Variants in ANKS1B observed in about 807,000 individuals in gnomAD.
The protein encoded by ANKS1B is ankyrin repeat and sterile alpha motif domain-containing protein 1B.
ANKS1B carries 36 observed loss-of-function variants against 148.3 expected under a neutral mutation model. The ratio of observed to expected loss-of-function variants is 0.24; its 90% confidence interval spans 0.19 to 0.32. The LOEUF (loss-of-function observed/expected upper bound fraction) is 0.32, where lower values mean the gene tolerates loss of function less well. Ranked by LOEUF, ANKS1B falls within the 10% of genes least tolerant of loss-of-function variation. ANKS1B has a pLI of 1.00. For missense variants in ANKS1B, 1,157 were observed against 1,542.6 expected, an observed-to-expected ratio of 0.75 and a Z score of 4.19; for synonymous variants, 542 against 560.8, an observed-to-expected ratio of 0.97 and a Z score of 0.47.
chr12:99,962,968 C>T (rs1323845801), intron 1 of ANKS1B, among the ~76,000 whole-genome samples: 1 of 152,134 alleles, frequency 6.6e-6, no homozygotes, highest in Non-Finnish European at 1.5e-5. Flanking sequence ...CGCCCACCAC[C>T]ACACCCGGAG....
chr12:99,538,765 C>G (rs2097097138), intron 9 of ANKS1B, among the ~76,000 whole-genome samples: 1 of 152,128 alleles, frequency 6.6e-6, no homozygotes, highest in Non-Finnish European at 1.5e-5. Flanking sequence ...GCTAGGACTT[C>G]CAGTACTACG....
chr12:99,574,474 C>T (rs772674792), intron 9 of ANKS1B, among the ~76,000 whole-genome samples: 3 of 151,998 alleles, frequency 2.0e-5, no homozygotes, highest in Non-Finnish European at 4.4e-5. Flanking sequence ...CAAAATCAGA[C>T]AGACTTTAAT....
At chr12:99,901,094 A>C (rs1273116400) in intron 1 of ANKS1B, among the ~76,000 whole-genome samples, 1 of 152,246 alleles carries the variant, frequency 6.6e-6, no homozygotes, top group Non-Finnish European at 1.5e-5. Flanking sequence ...TCACGAGTTA[A>C]AAAAATAGAT....
intron 8 of ANKS1B, among the ~76,000 whole-genome samples, chr12:99,662,537 T>G (rs1208401375): frequency 6.6e-6 from 1 of 152,178 alleles, no homozygotes; most frequent in African/African-American, 2.4e-5. Context: ...TCATAGATGT[T>G]TTATTAGTGT....
chr12:99,677,576 T>C (rs1265232709), intron 8 of ANKS1B, among the ~76,000 whole-genome samples: 2 of 152,228 alleles, frequency 1.3e-5, no homozygotes, highest in African/African-American at 4.8e-5. Flanking sequence ...GAGAACACTG[T>C]TGAATTGCAG....
chr12:99,025,302 A>C (rs1408167037), intron 17 of ANKS1B, among the ~76,000 whole-genome samples: 2 of 152,214 alleles, frequency 1.3e-5, no homozygotes, highest in African/African-American at 2.4e-5. Context: ...ATCAAATGAG[A>C]ATACTAAGAC....
At chr12:98,918,387 G>C (rs965040592) in intron 17 of ANKS1B, among the ~76,000 whole-genome samples, 1 of 152,226 alleles carries the variant, frequency 6.6e-6, no homozygotes, top group African/African-American at 2.4e-5. Flanking sequence ...GAAGATACAA[G>C]GCACAGAAAA....
At chr12:99,112,129 C>G (rs1476573147) in intron 15 of ANKS1B, among the ~76,000 whole-genome samples, 2 of 152,040 alleles carry the variant, frequency 1.3e-5, no homozygotes, top group East Asian at 3.9e-4. Flanking sequence ...AAGTAAAGGC[C>G]CGTGCAATGT....
chr12:99,585,407 C>A lies in ANKS1B; in HGVS notation c.1272+69660G>T, dbSNP rs539505035. On this transcript the variant is annotated intron_variant, in intron 9 of 26. Coordinates refer to ENST00000683438, the MANE Select transcript of ANKS1B (RefSeq NM_001352186.2). The stretch of plus-strand genomic sequence containing the variant: ...CTGTGGTTTTGCAGGGTACAGCCCC[C>A]CTCCCGGCTACTTTCACAGGCCAGC... 8.5e-5 allele frequency among the ~76,000 whole-genome samples: 13 copies of A among 152,320 alleles called. No individual in the cohort carries two copies. In the South Asian group the frequency reaches 2.5e-3, roughly 29 times the overall value.
intron 17 of ANKS1B, among the ~76,000 whole-genome samples, chr12:99,050,365 T>C (rs2099965180): frequency 6.6e-6 from 1 of 152,194 alleles, no homozygotes; most frequent in Middle Eastern, 3.2e-3. Flanking sequence ...TTCAGGTCAA[T>C]ATTTGTCCGT....
At chr12:99,427,256 C>T (rs1394953183) in intron 11 of ANKS1B, among the ~76,000 whole-genome samples, 9 of 152,196 alleles carry the variant, frequency 5.9e-5, no homozygotes, top group Non-Finnish European at 8.8e-5. Context: ...GTAAAATCTA[C>T]ACTTCTTACC....
At chr12:99,245,304 T>A (rs2090070962) in intron 13 of ANKS1B, among the ~76,000 whole-genome samples, 1 of 152,186 alleles carries the variant, frequency 6.6e-6, no homozygotes. Flanking sequence ...CAGATGTTAT[T>A]CACTAAATTA....
chr12:98,739,089 G>A (rs1041346331), downstream of ANKS1B, among the ~76,000 whole-genome samples: 3 of 152,198 alleles, frequency 2.0e-5, no homozygotes, highest in Admixed American at 6.5e-5. Context: ...ATGCAGAGAG[G>A]TTAGGTTTCC....
chr12:99,340,143 T>A (rs2089658128), intron 12 of ANKS1B, among the ~76,000 whole-genome samples: 1 of 152,142 alleles, frequency 6.6e-6, no homozygotes, highest in South Asian at 2.1e-4. Flanking sequence ...CAGATAGAAA[T>A]GAACTGAAAA....
At chr12:99,889,192 A>G (rs2092976686) in intron 1 of ANKS1B, among the ~76,000 whole-genome samples, 1 of 152,178 alleles carries the variant, frequency 6.6e-6, no homozygotes, top group Non-Finnish European at 1.5e-5. Context: ...AGCATCTTAT[A>G]TAATATAGCT....
chr12:99,924,861 T>C (rs2094447801), intron 1 of ANKS1B, among the ~76,000 whole-genome samples: 1 of 152,204 alleles, frequency 6.6e-6, no homozygotes, highest in Non-Finnish European at 1.5e-5. Context: ...CAGTCTTTGA[T>C]ATGACTTCAT....
chr12:99,260,785 C>T (rs1034886822), intron 12 of ANKS1B, among the ~76,000 whole-genome samples: 40 of 152,148 alleles, frequency 2.6e-4, no homozygotes, highest in African/African-American at 9.2e-4. Flanking sequence ...TTATCTTTCA[C>T]ATGACCCTTC....
At chr12:98,852,270 A>G (rs762415576) in intron 17 of ANKS1B, among the ~76,000 whole-genome samples, 3 of 152,176 alleles carry the variant, frequency 2.0e-5, no homozygotes, top group African/African-American at 2.4e-5. Flanking sequence ...TAGTTGCTGA[A>G]TGAATAAATG....
intron 10 of ANKS1B, among the ~76,000 whole-genome samples, chr12:99,478,081 A>T (rs1222277750): frequency 1.3e-5 from 2 of 152,136 alleles, no homozygotes; most frequent in Middle Eastern, 3.2e-3. Flanking sequence ...AAGTTCTTTG[A>T]AATATCTTTG....
Sources: gnomAD v4.1 joint callset for allele counts (sites outside exome capture counted in the v4.1 genomes callset) on GRCh38, gnomAD v4.1.1 for gene constraint, MANE v1.5 for transcripts, NCBI Gene and HGNC (gene_info 2026-07-23, HGNC 2026-07-21) for gene names.